Variants in HNRNPA2B1 observed in about 807,000 individuals in gnomAD.
HNRNPA2B1 encodes the protein heterogeneous nuclear ribonucleoproteins A2/B1.
A neutral mutation model predicts 46.3 loss-of-function variants in HNRNPA2B1; 3 were observed. That is an observed-to-expected ratio of 0.06 (90% CI 0.03 to 0.17). The LOEUF (loss-of-function observed/expected upper bound fraction) is 0.17. HNRNPA2B1 is among the 10% of genes least tolerant of loss of function. The probability of loss-of-function intolerance (pLI) is 1.00; values close to 1 mark genes in which losing one functional copy is unlikely to be tolerated. For synonymous variants in HNRNPA2B1, 225 were observed against 133.8 expected (o/e 1.68, Z -4.70); for missense variants, 221 against 418.9 (o/e 0.53, Z 4.12).
intron 7 of HNRNPA2B1, 64 bp downstream of exon 7, chr7:26,195,783 G>A: frequency 4.5e-6 from 7 of 1,539,328 alleles, no homozygotes; most frequent in Admixed American, 2.1e-5. Context: ...TATAAATGAA[G>A]TAAATATACG....
chr7:26,197,868 TG>T lies in HNRNPA2B1; in HGVS notation c.7-137del, dbSNP rs759915055. The T allele has an allele frequency of 6.9e-6, 11 of 1,587,280 alleles. No homozygotes were observed. Among genetic ancestry groups the T allele is most frequent in the African/African-American group, 2.7e-5 (2 of 73,070 alleles). ...CAAAGGAACAGTTTCTAAAGTTTTC[TG>T]GGGGGAAAAAAAAAACTTACATCAA... On this transcript the variant is annotated intron_variant, in intron 1 of 10. Transcript: ENST00000618183.
rs1312163345 is a variant in HNRNPA2B1 at position 26,197,168 on chromosome 7, G to A, written c.264+147C>T. 5 of 1,173,742 alleles carry A rather than the reference G, an allele frequency of 4.3e-6. No individual in the cohort carries two copies. The East Asian group carries it at 9.4e-5, about 22-fold the overall frequency. The allele number at this position is 1,173,742 out of a possible 1,614,324, so 72.7% of individuals were successfully genotyped here. ...TAGGGACCTAGCTTTTGAAAAATAA[G>A]CTAGCTTAAGAAAATGGTCCAGAAA... On this transcript the variant is annotated intron_variant, in intron 3 of 10. Transcript: ENST00000618183.
chr7:26,198,959 C>T (rs897562018), intron 1 of HNRNPA2B1: 2 of 152,048 alleles, frequency 1.3e-5, no homozygotes, highest in African/African-American at 4.8e-5. Context: ...TTTCATGACT[C>T]GTAAAAATTA....
intron 2 of HNRNPA2B1, 24 bp from the exon 3 acceptor site, chr7:26,197,485 T>A: frequency 6.2e-7 from 1 of 1,610,408 alleles, no homozygotes; most frequent in South Asian, 1.1e-5. Context: ...GGGTAAACTT[T>A]AGCATTTAAT....
Position 26,190,332 on chromosome 7 carries a change from T to C in HNRNPA2B1, c.*2028A>G, listed in dbSNP as rs1230968040. ...GTTTTATCAGAAAACATTTCCCTTTTATTTTAAAGAGTGCTTTTTAAATGA... is the reference window on the plus strand; with the variant it reads ...GTTTTATCAGAAAACATTTCCCTTTCATTTTAAAGAGTGCTTTTTAAATGA... On this transcript the variant is annotated 3_prime_UTR_variant, in exon 11 of 11. Transcript: ENST00000618183. The C allele has an allele frequency of 6.6e-6, 1 of 152,552 alleles. No homozygotes were observed. Among genetic ancestry groups the C allele is most frequent in the African/African-American group, 2.4e-5 (1 of 41,442 alleles). The allele number at this position is 152,552 out of a possible 1,614,324, so 9.4% of individuals were successfully genotyped here. A position where few individuals can be genotyped will look rare whatever the true frequency, so the allele number is the denominator to read the frequency against.
chr7:26,196,804 T>C lies in HNRNPA2B1; in HGVS notation c.475+3A>G, dbSNP rs754074410. 4 of 1,612,296 alleles carry C rather than the reference T, an allele frequency of 2.5e-6. No homozygotes were observed. The highest frequency in any genetic ancestry group is 1.3e-5 in the African/African-American group (1 of 74,964). ...AACAGTACATTTGTGGTTAGACACTTACATACGATTTTATCCACAGGATCA... is the reference window on the plus strand; with the variant it reads ...AACAGTACATTTGTGGTTAGACACTCACATACGATTTTATCCACAGGATCA... On this transcript the variant is annotated splice_donor_region_variant and intron_variant, in intron 4 of 10. Transcript: ENST00000618183.
rs773954337 is a variant in HNRNPA2B1 at position 26,197,295 on chromosome 7, G to A, written c.264+20C>T. On this transcript the variant is annotated intron_variant, in intron 3 of 10. Coordinates refer to ENST00000618183, the MANE Select transcript of HNRNPA2B1 (RefSeq NM_002137.4). Reference sequence around the variant, plus strand: ...CAGCGTTCTTCATGTTAATGCACAAGACAGTCATTGTTTGCTTACCTCTCT... The same window carrying A: ...CAGCGTTCTTCATGTTAATGCACAAAACAGTCATTGTTTGCTTACCTCTCT... 3.8e-6 allele frequency: 6 copies of A among 1,594,952 alleles called. No homozygotes were observed. Among genetic ancestry groups the A allele is most frequent in the Non-Finnish European group, 5.1e-6 (6 of 1,170,102 alleles).
intron 7 of HNRNPA2B1, among the ~76,000 whole-genome samples, chr7:26,195,110 A>C (rs1261929275): frequency 1.4e-5 from 2 of 141,034 alleles, no homozygotes; most frequent in South Asian, 2.2e-4. Context: ...AAAAAAAAAA[A>C]GAAACCATAT....
intron 9 of HNRNPA2B1, among the ~76,000 whole-genome samples, chr7:26,192,864 AG>A (rs1783068991): frequency 6.6e-6 from 1 of 152,206 alleles, no homozygotes; most frequent in East Asian, 1.9e-4. Context: ...CCCAAGACAA[AG>A]CTAGTTTACT....
At position 26,191,338 on chromosome 7, in the gene HNRNPA2B1, C is replaced by A. The variant is rs907794659; in HGVS notation, c.*1022G>T. ...ATAGCTATGTTAAACTACGTAAGAACCACTATACTGAAAGACCATTTAAGA... is the reference window on the plus strand; with the variant it reads ...ATAGCTATGTTAAACTACGTAAGAAACACTATACTGAAAGACCATTTAAGA... On this transcript the variant is annotated 3_prime_UTR_variant, in exon 11 of 11. Transcript: ENST00000618183. 6.6e-6 allele frequency: 1 copy of A among 151,988 alleles called. No individual in the cohort carries two copies. The highest frequency in any genetic ancestry group is 6.6e-5 in the Admixed American group (1 of 15,258). 9.4% of individuals were successfully genotyped at this position (151,988 alleles called of 1,614,324 possible). A position where few individuals can be genotyped will look rare whatever the true frequency, so the allele number is the denominator to read the frequency against.
intron 7 of HNRNPA2B1, among the ~76,000 whole-genome samples, chr7:26,194,615 G>A (rs1473588177): frequency 6.7e-6 from 1 of 150,286 alleles, no homozygotes; most frequent in Non-Finnish European, 1.5e-5. Flanking sequence ...GTGGGAGGAT[G>A]GCTTGAGACT....
At chr7:26,200,523 CG>C (rs1562730867) in intron 1 of HNRNPA2B1, 48 bp downstream of exon 1, 1 of 1,603,530 alleles carries the variant, frequency 6.2e-7, no homozygotes, top group South Asian at 1.1e-5. Flanking sequence ...GAGGCGCCAA[CG>C]GCCTCGCCAT....
intron 7 of HNRNPA2B1, among the ~76,000 whole-genome samples, chr7:26,195,230 A>G (rs1783425079): frequency 1.3e-5 from 2 of 152,068 alleles, no homozygotes; most frequent in South Asian, 4.2e-4. Context: ...GAGATACACT[A>G]TTTAGTCATG....
rs3801892 is a variant in HNRNPA2B1 at position 26,195,505 on chromosome 7, T to A, written c.721+342A>T. Among the ~76,000 whole-genome samples the A allele has an allele frequency of 5.7e-4, 87 of 152,366 alleles. No homozygotes were observed. In the East Asian group the frequency reaches 0.015, roughly 27 times the overall value. ...TTTAGACATATTTCATATTTTTTCCTACATATACCACCCCCTTAGGTTTTA... is the reference window on the plus strand; with the variant it reads ...TTTAGACATATTTCATATTTTTTCCAACATATACCACCCCCTTAGGTTTTA... On this transcript the variant is annotated intron_variant, in intron 7 of 10. Transcript: ENST00000618183.
At chr7:26,195,041 CAG>C (rs1407204915) in intron 7 of HNRNPA2B1, among the ~76,000 whole-genome samples, 4 of 136,424 alleles carry the variant, frequency 2.9e-5, no homozygotes, top group South Asian at 2.2e-4. Context: ...TTGCAGTGAG[CAG>C]AGACGCGCCA....
Position 26,200,745 on chromosome 7 carries a change from C to T in HNRNPA2B1, c.-168G>A. 3.6e-6 allele frequency: 3 copies of T among 826,334 alleles called. No homozygotes were observed. The highest frequency in any genetic ancestry group is 6.1e-6 in the Non-Finnish European group (3 of 494,840). The allele number at this position is 826,334 out of a possible 1,614,324, so 51.2% of individuals were successfully genotyped here. On this transcript the variant is annotated 5_prime_UTR_variant, in exon 1 of 11. Coordinates refer to ENST00000618183, the MANE Select transcript of HNRNPA2B1 (RefSeq NM_002137.4). ...CGCACGGGACCCGGCGCTGCTGCTA[C>T]TGCCGCTAGAGCCGCTGCCGCCGCT...
At chr7:26,200,229 G>C in intron 1 of HNRNPA2B1, 1 of 319,414 alleles carries the variant, frequency 3.1e-6, no homozygotes, top group East Asian at 6.1e-5. Context: ...AACGCTCGCC[G>C]AGGAGACGCC....
At chr7:26,192,728 G>A (rs927387732) in intron 9 of HNRNPA2B1, 151 bp from the exon 10 acceptor site, 3 of 675,346 alleles carry the variant, frequency 4.4e-6, no homozygotes, top group South Asian at 1.8e-5. Flanking sequence ...TTACTCAGGA[G>A]ATAAATTACT....
In HNRNPA2B1 at chr7:26,196,385, A is replaced by C. The variant is rs768701450; in HGVS notation, c.658+16T>G. 5.0e-6 allele frequency: 8 copies of C among 1,596,954 alleles called. No homozygotes were observed. The African/African-American group carries it at 9.4e-5, about 19-fold the overall frequency. ...AAGCACACTCATCCTTTAAACACGT[A>C]GAACTTGAAACTCACCAGATCCTCC... On this transcript the variant is annotated intron_variant, in intron 6 of 10. Coordinates refer to ENST00000618183, the MANE Select transcript of HNRNPA2B1 (RefSeq NM_002137.4).
Sources: gnomAD v4.1 joint callset for allele counts (sites outside exome capture counted in the v4.1 genomes callset) on GRCh38, gnomAD v4.1.1 for gene constraint, MANE v1.5 for transcripts, NCBI Gene and HGNC (gene_info 2026-07-23, HGNC 2026-07-21) for gene names.